TAFA1: variants seen among roughly 807,000 people sequenced by gnomAD.
The protein encoded by TAFA1 is TAFA chemokine like family member 1, also known as chemokine-like protein TAFA-1.
TAFA1 carries 4 observed loss-of-function variants against 18.5 expected under a neutral mutation model. The observed-to-expected ratio is 0.22, with a 90% confidence interval of 0.11 to 0.49. The LOEUF is 0.49. Among genes scored for constraint, TAFA1 ranks in the 20% least tolerant of loss-of-function variants. The pLI is 0.98. For synonymous variants in TAFA1, 56 were observed against 55.2 expected, an observed-to-expected ratio of 1.01 and a Z score of -0.06; for missense variants, 147 against 169.0, an observed-to-expected ratio of 0.87 and a Z score of 0.72.
intron 3 of TAFA1, among the ~76,000 whole-genome samples, chr3:68,509,918 G>A (rs755541650): frequency 6.6e-6 from 1 of 152,084 alleles, no homozygotes; most frequent in Non-Finnish European, 1.5e-5. Context: ...TCCAGAGTGG[G>A]CTATTACCAC....
chr3:68,369,878 C>A (rs1194407621), intron 2 of TAFA1, among the ~76,000 whole-genome samples: 1 of 152,124 alleles, frequency 6.6e-6, no homozygotes, highest in African/African-American at 2.4e-5. Flanking sequence ...CAAGACAGAT[C>A]CTCCATTCAG....
intron 2 of TAFA1, among the ~76,000 whole-genome samples, chr3:68,128,212 C>T (rs1182082766): frequency 3.3e-5 from 5 of 152,122 alleles, no homozygotes; most frequent in Non-Finnish European, 1.5e-5. Context: ...ACACACTTAA[C>T]TCCATGTAGT....
At chr3:68,192,498 C>T (rs55981928) in intron 2 of TAFA1, 2,342 of 195,122 alleles carry the variant, frequency 0.012, 67 homozygotes, top group African/African-American at 0.052. Context: ...CTTCATCATC[C>T]CATTGAATGG....
chr3:68,039,914 T>C (rs1385945670), intron 2 of TAFA1, among the ~76,000 whole-genome samples: 1 of 152,168 alleles, frequency 6.6e-6, no homozygotes, highest in Non-Finnish European at 1.5e-5. Flanking sequence ...CTCCAGCACA[T>C]TGGCTGGGGA....
rs551635561 is a variant in TAFA1, at chr3:68,362,530, C to T, written c.119-54750C>T. Among the ~76,000 whole-genome samples, 14 of 152,222 alleles carry T rather than the reference C, an allele frequency of 9.2e-5. No individual in the cohort carries two copies. The South Asian group carries it at 2.9e-3, about 32-fold the overall frequency. ...TTTATGGACTTGATTTAATACATAT[C>T]TATTGGACACCTTCTCAACGTATAA... On this transcript the variant is annotated intron_variant, in intron 2 of 4. Coordinates refer to ENST00000478136, the MANE Select transcript of TAFA1 (RefSeq NM_213609.4).
At chr3:68,372,173 G>T (rs1379969773) in intron 2 of TAFA1, among the ~76,000 whole-genome samples, 1 of 152,168 alleles carries the variant, frequency 6.6e-6, no homozygotes, top group Non-Finnish European at 1.5e-5. Flanking sequence ...TTGAAAATAA[G>T]TGAACAAAGA....
At chr3:68,284,977 A>G (rs1488602412) in intron 2 of TAFA1, among the ~76,000 whole-genome samples, 1 of 152,128 alleles carries the variant, frequency 6.6e-6, no homozygotes, top group African/African-American at 2.4e-5. Context: ...AGTCCTAGCT[A>G]CTAGGGAGGC....
At chr3:68,325,029 C>T (rs974488336) in intron 2 of TAFA1, among the ~76,000 whole-genome samples, 3 of 152,168 alleles carry the variant, frequency 2.0e-5, no homozygotes, top group African/African-American at 7.2e-5. Context: ...AGCAGAAGGG[C>T]ATCATGGTCT....
chr3:68,518,622 C>T lies in TAFA1; in HGVS notation c.260-20134C>T, dbSNP rs377630717. On this transcript the variant is annotated intron_variant, in intron 3 of 4. Coordinates refer to ENST00000478136, the MANE Select transcript of TAFA1 (RefSeq NM_213609.4). ...CAACAGCAAGTTTATGGAGCACTTA[C>T]TTTGAACTAGGCATTCTGGGAATCA... Among the ~76,000 whole-genome samples the T allele has an allele frequency of 2.9e-4, 44 of 152,276 alleles. 1 individual carries two copies. In the East Asian group the frequency reaches 3.3e-3, roughly 11 times the overall value.
chr3:68,239,130 A>G (rs1225146765), intron 2 of TAFA1, among the ~76,000 whole-genome samples: 1 of 152,160 alleles, frequency 6.6e-6, no homozygotes, highest in African/African-American at 2.4e-5. Context: ...TACTTTTTGG[A>G]CAAAAATTAA....
intron 2 of TAFA1, among the ~76,000 whole-genome samples, chr3:68,137,780 C>T (rs571081402): frequency 3.9e-5 from 6 of 152,298 alleles, no homozygotes; most frequent in Non-Finnish European, 7.4e-5. Flanking sequence ...GTCATCTTCA[C>T]GTCTGGCTGG....
chr3:68,118,566 C>T (rs796405693), intron 2 of TAFA1, among the ~76,000 whole-genome samples: 1 of 152,256 alleles, frequency 6.6e-6, no homozygotes, highest in African/African-American at 2.4e-5. Flanking sequence ...CACCATGCTA[C>T]CTTCTGTTTC....
intron 2 of TAFA1, among the ~76,000 whole-genome samples, chr3:68,072,609 A>G (rs1170064142): frequency 6.6e-6 from 1 of 152,186 alleles, no homozygotes; most frequent in Admixed American, 6.5e-5. Flanking sequence ...TCCTGATTTT[A>G]AAGGGAGAGG....
At chr3:68,270,106 T>G (rs916858651) in intron 2 of TAFA1, among the ~76,000 whole-genome samples, 14 of 152,170 alleles carry the variant, frequency 9.2e-5, no homozygotes, top group African/African-American at 3.4e-4. Flanking sequence ...TGGAGTTTCT[T>G]AGAACTCTAG....
At chr3:68,412,840 T>C (rs2070741669) in intron 2 of TAFA1, among the ~76,000 whole-genome samples, 1 of 152,122 alleles carries the variant, frequency 6.6e-6, no homozygotes, top group East Asian at 1.9e-4. Flanking sequence ...TAAACATACG[T>C]GTGCATGTGT....
intron 2 of TAFA1, among the ~76,000 whole-genome samples, chr3:68,118,847 A>C (rs1358383230): frequency 2.0e-5 from 3 of 152,192 alleles, no homozygotes; most frequent in Non-Finnish European, 4.4e-5. Context: ...AGATGTATAA[A>C]TATTTTTTGA....
chr3:68,494,752 C>T (rs911203141), intron 3 of TAFA1, among the ~76,000 whole-genome samples: 6 of 152,162 alleles, frequency 3.9e-5, no homozygotes, highest in South Asian at 2.1e-4. Flanking sequence ...TATTTCTGCA[C>T]TAACAGCTTA....
At chr3:68,390,435 A>T (rs960898147) in intron 2 of TAFA1, among the ~76,000 whole-genome samples, 2 of 152,208 alleles carry the variant, frequency 1.3e-5, no homozygotes, top group African/African-American at 4.8e-5. Context: ...CAGCTTAAGC[A>T]GACTTAAACA....
chr3:68,395,814 T>G lies in TAFA1; in HGVS notation c.119-21466T>G, dbSNP rs191608815. On this transcript the variant is annotated intron_variant, in intron 2 of 4. Transcript: ENST00000478136. ...CACACTGGGGCCTGTTGGAGGATGG[T>G]GGGCAAGGGAGGGATACTATTAGGA... is the stretch of plus-strand genomic sequence containing the variant. Among the ~76,000 whole-genome samples, 204 of 151,990 alleles carry G rather than the reference T, an allele frequency of 1.3e-3. 1 individual carries two copies. Among genetic ancestry groups the G allele is most frequent in the African/African-American group, 4.9e-3 (202 of 41,444 alleles).
Sources: gnomAD v4.1 joint callset for allele counts (sites outside exome capture counted in the v4.1 genomes callset) on GRCh38, gnomAD v4.1.1 for gene constraint, MANE v1.5 for transcripts, NCBI Gene and HGNC (gene_info 2026-07-23, HGNC 2026-07-21) for gene names.